PDE7B: variants seen among roughly 807,000 people sequenced by gnomAD.
PDE7B encodes the protein phosphodiesterase 7B.
Under a neutral mutation model 56.2 loss-of-function variants are expected in PDE7B, and 29 were observed. That is an observed-to-expected ratio of 0.52 (90% CI 0.38 to 0.70). The LOEUF (loss-of-function observed/expected upper bound fraction) is 0.70, where lower values mean the gene tolerates loss of function less well. Ranked by LOEUF, PDE7B falls within the 30% of genes least tolerant of loss-of-function variation. PDE7B has a pLI of 0.00. For synonymous variants in PDE7B, 197 were observed against 196.9 expected, an observed-to-expected ratio of 1.00 and a Z score of 0.00; for missense variants, 490 against 565.0, an observed-to-expected ratio of 0.87 and a Z score of 1.35.
intron 2 of PDE7B, among the ~76,000 whole-genome samples, chr6:136,102,421 C>G (rs955681667): frequency 6.6e-6 from 1 of 152,168 alleles, no homozygotes; most frequent in South Asian, 2.1e-4. Context: ...AAACAACGAA[C>G]TTTGCTTGGT....
intron 2 of PDE7B, among the ~76,000 whole-genome samples, chr6:136,022,092 C>T (rs1283721542): frequency 6.6e-6 from 1 of 152,194 alleles, no homozygotes; most frequent in South Asian, 2.1e-4. Flanking sequence ...GCCTCAAGTC[C>T]TCTTCCGCCA....
intron 1 of PDE7B, among the ~76,000 whole-genome samples, chr6:135,925,281 T>C (rs891439429): frequency 6.6e-6 from 1 of 152,186 alleles, no homozygotes; most frequent in African/African-American, 2.4e-5. Context: ...CACTGGGGAA[T>C]GTTATAACAT....
At chr6:136,127,696 T>A (rs1324789100) in intron 3 of PDE7B, among the ~76,000 whole-genome samples, 1 of 152,172 alleles carries the variant, frequency 6.6e-6, no homozygotes, top group Non-Finnish European at 1.5e-5. Flanking sequence ...ATTAGAAATC[T>A]GGTTACTGAA....
intron 8 of PDE7B, among the ~76,000 whole-genome samples, chr6:136,158,003 C>A (rs1198646153): frequency 5.9e-5 from 9 of 152,144 alleles, no homozygotes; most frequent in African/African-American, 2.2e-4. Flanking sequence ...AGGACATGAC[C>A]TGGATCAAGA....
chr6:136,021,895 A>T (rs1054596070), intron 2 of PDE7B, among the ~76,000 whole-genome samples: 3 of 152,228 alleles, frequency 2.0e-5, no homozygotes, highest in African/African-American at 7.2e-5. Context: ...TTGGAGAGAC[A>T]TCCAAGATCA....
chr6:136,140,903 G>A (rs9389373), intron 3 of PDE7B, among the ~76,000 whole-genome samples: 68,068 of 150,988 alleles, frequency 0.45, 15,888 homozygotes, highest in African/African-American at 0.59. Flanking sequence ...CAATCATGTC[G>A]TCTGCAAACA....
intron 2 of PDE7B, among the ~76,000 whole-genome samples, chr6:136,012,041 C>A (rs972320151): frequency 3.3e-5 from 5 of 152,142 alleles, no homozygotes; most frequent in African/African-American, 1.2e-4. Context: ...GTGAAATATA[C>A]AAAAAGGCTC....
chr6:135,859,038 A>G (rs1257409432), intron 1 of PDE7B, among the ~76,000 whole-genome samples: 1 of 150,068 alleles, frequency 6.7e-6, no homozygotes, highest in Non-Finnish European at 1.5e-5. Flanking sequence ...TGATTTATAC[A>G]TTTCTTGGTT....
At chr6:135,966,522 C>A in intron 2 of PDE7B, among the ~76,000 whole-genome samples, 1 of 152,136 alleles carries the variant, frequency 6.6e-6, no homozygotes, top group Non-Finnish European at 1.5e-5. Context: ...TGTCTACTGA[C>A]AACATTAGTG....
chr6:135,946,989 T>C (rs762024492), intron 1 of PDE7B, among the ~76,000 whole-genome samples: 6 of 152,124 alleles, frequency 3.9e-5, no homozygotes, highest in Non-Finnish European at 7.4e-5. Context: ...TTTCATTATT[T>C]ATCTACTTGT....
intron 1 of PDE7B, among the ~76,000 whole-genome samples, chr6:135,909,165 T>G (rs1776167287): frequency 6.6e-6 from 1 of 152,132 alleles, no homozygotes; most frequent in African/African-American, 2.4e-5. Context: ...TACTGTGAAA[T>G]TTTAAAAAGA....
intron 1 of PDE7B, among the ~76,000 whole-genome samples, chr6:135,880,189 G>T (rs1775580816): frequency 6.6e-6 from 1 of 152,254 alleles, no homozygotes; most frequent in South Asian, 2.1e-4. Flanking sequence ...GGCTTGAGTT[G>T]CCTGACAGTA....
At chr6:136,048,925 AC>A (rs1776570579) in intron 2 of PDE7B, 1 of 152,206 alleles carries the variant, frequency 6.6e-6, no homozygotes, top group Non-Finnish European at 1.5e-5. Flanking sequence ...AAAGCCCTTG[AC>A]ACATGGTATC....
chr6:136,175,092 C>G (rs1048239721), intron 9 of PDE7B, among the ~76,000 whole-genome samples: 2 of 152,144 alleles, frequency 1.3e-5, no homozygotes, highest in African/African-American at 4.8e-5. Context: ...TGGTCAGTAC[C>G]TGCATTCATC....
At chr6:136,010,631 T>G (rs548441758) in intron 2 of PDE7B, among the ~76,000 whole-genome samples, 17 of 152,102 alleles carry the variant, frequency 1.1e-4, no homozygotes, top group African/African-American at 3.9e-4. Context: ...TTTTGCTTGT[T>G]TTTTTCTTTT....
chr6:136,021,634 A>C (rs1413918594), intron 2 of PDE7B, among the ~76,000 whole-genome samples: 2 of 149,496 alleles, frequency 1.3e-5, no homozygotes, highest in Non-Finnish European at 2.9e-5. Flanking sequence ...ACAAGAGCAA[A>C]ACTCTGTCTC....
Position 135,926,120 on chromosome 6 carries a change from T to A in PDE7B, c.22-21344T>A, listed in dbSNP as rs1171176954. ...GGGGGGAGGGGGGATGGAGTTTCAC[T>A]CTGTCGCCCAGGCTGCAGTGCAGTG... On this transcript the variant is annotated intron_variant, in intron 1 of 12. Coordinates refer to ENST00000308191, the MANE Select transcript of PDE7B (RefSeq NM_018945.4). 3.3e-5 allele frequency among the ~76,000 whole-genome samples: 4 copies of A among 123,040 alleles called. No homozygotes were observed. In the East Asian group the frequency reaches 8.2e-4, roughly 25 times the overall value. 80.7% of individuals were successfully genotyped at this position (123,040 alleles called of 152,430 possible).
chr6:136,004,330 A>G (rs922925413), intron 2 of PDE7B, among the ~76,000 whole-genome samples: 4 of 152,196 alleles, frequency 2.6e-5, no homozygotes, highest in Non-Finnish European at 5.9e-5. Context: ...CCTATTTAAC[A>G]TAGTGTTGGA....
intron 3 of PDE7B, chr6:136,117,258 CTTGT>C (rs982530669): frequency 6.6e-5 from 10 of 152,136 alleles, no homozygotes; most frequent in African/African-American, 2.4e-4. Context: ...GCTAAAATGA[CTTGT>C]TTGTTCAATA....
Sources: allele counts gnomAD v4.1 joint callset (sites outside exome capture counted in the v4.1 genomes callset), GRCh38; gene constraint gnomAD v4.1.1; transcripts MANE v1.5; gene names NCBI Gene and HGNC (gene_info 2026-07-23, HGNC 2026-07-21).